The following OLFM3 variants were observed in gnomAD, a reference collection of about 807,000 sequenced individuals.
OLFM3 encodes noelin-3.
A neutral mutation model predicts 48.6 loss-of-function variants in OLFM3; 20 were observed. The observed-to-expected ratio is 0.41, with a 90% CI of 0.29 to 0.60. The LOEUF is 0.60. Among genes scored for constraint, OLFM3 ranks in the 20% least tolerant of loss-of-function variants. The pLI, the probability that OLFM3 is intolerant of heterozygous loss-of-function variation, is 0.28. For synonymous variants in OLFM3, 222 were observed against 198.1 expected, an observed-to-expected ratio of 1.12 and a Z score of -1.01; for missense variants, 437 against 544.3, an observed-to-expected ratio of 0.80 and a Z score of 1.96.
chr1:101,858,608 T>C (rs192899345), intron 1 of OLFM3, among the ~76,000 whole-genome samples: 1 of 151,990 alleles, frequency 6.6e-6, no homozygotes, highest in Non-Finnish European at 1.5e-5. Context: ...GGTGATTGAA[T>C]CATGAGGTGA....
chr1:101,988,999 A>T (rs1359906259), intron 1 of OLFM3, among the ~76,000 whole-genome samples: 1 of 152,122 alleles, frequency 6.6e-6, no homozygotes, highest in African/African-American at 2.4e-5. Flanking sequence ...TAAAGATACA[A>T]ATATAAATAA....
intron 1 of OLFM3, among the ~76,000 whole-genome samples, chr1:101,931,885 A>G (rs182853504): frequency 7.3e-4 from 111 of 152,290 alleles, no homozygotes; most frequent in Middle Eastern, 3.4e-3. Context: ...TTTATCTTTG[A>G]CAAAAAGGCA....
chr1:101,825,608 A>T (rs547603249), intron 3 of OLFM3, among the ~76,000 whole-genome samples: 1 of 152,352 alleles, frequency 6.6e-6, no homozygotes, highest in South Asian at 2.1e-4. Context: ...TATAAGCAGA[A>T]TCCATCTTCT....
At chr1:101,895,494 C>T (rs2101011158) in intron 1 of OLFM3, among the ~76,000 whole-genome samples, 1 of 151,902 alleles carries the variant, frequency 6.6e-6, no homozygotes, top group Admixed American at 6.6e-5. Flanking sequence ...TTCCATGCTT[C>T]ATTAATCATT....
chr1:101,817,435 G>A (rs1304387591), intron 4 of OLFM3, among the ~76,000 whole-genome samples: 1 of 152,098 alleles, frequency 6.6e-6, no homozygotes, highest in Non-Finnish European at 1.5e-5. Context: ...TGAAGAAAGT[G>A]ACCGTGACCA....
At chr1:101,964,707 G>C (rs183708607) in intron 1 of OLFM3, among the ~76,000 whole-genome samples, 164 of 152,276 alleles carry the variant, frequency 1.1e-3, no homozygotes, top group African/African-American at 3.7e-3. Flanking sequence ...TTCACTCCTT[G>C]CAAGTAGATT....
chr1:101,902,183 G>A (rs1435464894), intron 1 of OLFM3, among the ~76,000 whole-genome samples: 1 of 151,920 alleles, frequency 6.6e-6, no homozygotes, highest in East Asian at 1.9e-4. Flanking sequence ...AAATAGGGAG[G>A]GAGTGCAAGA....
rs1653571123 is a variant in OLFM3, at chr1:101,803,133, T to C, written c.*1105A>G. 1.3e-5 allele frequency: 2 copies of C among 152,106 alleles called. No individual in the cohort carries two copies. The highest frequency in any genetic ancestry group is 4.8e-5 in the African/African-American group (2 of 41,380). The allele number at this position is 152,106 out of a possible 1,614,324, so 9.4% of individuals were successfully genotyped here. A position where few individuals can be genotyped will look rare whatever the true frequency, so the allele number is the denominator to read the frequency against. On this transcript the variant is annotated 3_prime_UTR_variant, in exon 6 of 6. Coordinates refer to ENST00000370103, the MANE Select transcript of OLFM3 (RefSeq NM_058170.4). ...CTTGCCAATAACTCCTCAGGGCTCA[T>C]AATCTAAATCTAGAGGACATTACAG...
At chr1:101,945,542 T>A (rs1330469327) in intron 1 of OLFM3, among the ~76,000 whole-genome samples, 2 of 152,086 alleles carry the variant, frequency 1.3e-5, no homozygotes, top group African/African-American at 4.8e-5. Context: ...AAGGGAAAAT[T>A]GGAGTGGTGA....
At chr1:101,967,028 A>C (rs958735131) in intron 1 of OLFM3, among the ~76,000 whole-genome samples, 3 of 152,050 alleles carry the variant, frequency 2.0e-5, no homozygotes, top group Admixed American at 1.3e-4. Flanking sequence ...TTCTTTTGTC[A>C]TGTTTGCTCA....
chr1:101,813,612 A>C (rs376058154), intron 4 of OLFM3, among the ~76,000 whole-genome samples: 2 of 152,166 alleles, frequency 1.3e-5, no homozygotes, highest in Non-Finnish European at 2.9e-5. Flanking sequence ...GGAAGGTCTT[A>C]TGAACACTTA....
intron 1 of OLFM3, among the ~76,000 whole-genome samples, chr1:101,981,685 ATCT>A (rs1661110311): frequency 6.6e-6 from 1 of 152,198 alleles, no homozygotes; most frequent in African/African-American, 2.4e-5. Flanking sequence ...CAAACTCCTG[ATCT>A]TCTCTCTCAT....
intron 1 of OLFM3, among the ~76,000 whole-genome samples, chr1:101,876,869 A>G (rs945542505): frequency 6.6e-6 from 1 of 151,950 alleles, no homozygotes; most frequent in African/African-American, 2.4e-5. Context: ...ACAGTGTCCT[A>G]AAGTGGGATG....
chr1:101,815,906 T>TA (rs1250854910), intron 4 of OLFM3, among the ~76,000 whole-genome samples: 2 of 152,136 alleles, frequency 1.3e-5, no homozygotes, highest in African/African-American at 2.4e-5. Context: ...AGGGAAGGCA[T>TA]ACACAGAAAA....
chr1:101,979,093 G>C (rs113235532), intron 1 of OLFM3, among the ~76,000 whole-genome samples: 7 of 152,012 alleles, frequency 4.6e-5, no homozygotes, highest in African/African-American at 9.7e-5. Flanking sequence ...TATGTCTTGT[G>C]GGGGGGCATG....
At chr1:101,829,227 T>G (rs1193528071) in intron 3 of OLFM3, among the ~76,000 whole-genome samples, 1 of 152,184 alleles carries the variant, frequency 6.6e-6, no homozygotes, top group African/African-American at 2.4e-5. Context: ...TTACCATTTA[T>G]CCATAAGTTT....
At chr1:101,890,503 A>G (rs944774753) in intron 1 of OLFM3, among the ~76,000 whole-genome samples, 4 of 151,962 alleles carry the variant, frequency 2.6e-5, no homozygotes, top group African/African-American at 7.2e-5. Flanking sequence ...TATAAGTGTC[A>G]TTGGTTTTCT....
At chr1:101,895,744 T>C (rs1019399313) in intron 1 of OLFM3, among the ~76,000 whole-genome samples, 18 of 152,240 alleles carry the variant, frequency 1.2e-4, no homozygotes, top group African/African-American at 4.1e-4. Flanking sequence ...AGATTTATAA[T>C]TGAAATGGAA....
At chr1:101,914,203 C>T (rs1176357369) in intron 1 of OLFM3, among the ~76,000 whole-genome samples, 1 of 152,152 alleles carries the variant, frequency 6.6e-6, no homozygotes, top group Admixed American at 6.6e-5. Flanking sequence ...CAAGTCTGCC[C>T]TGACGACCCA....
Sources: gnomAD v4.1 joint callset for allele counts (sites outside exome capture counted in the v4.1 genomes callset) on GRCh38, gnomAD v4.1.1 for gene constraint, MANE v1.5 for transcripts, NCBI Gene and HGNC (gene_info 2026-07-23, HGNC 2026-07-21) for gene names.